Variants in ASAH1 observed in about 807,000 individuals in gnomAD.
ASAH1 encodes acid ceramidase.
In ASAH1, 70 loss-of-function variants were observed where a neutral mutation model predicts 59.5. The observed-to-expected ratio is 1.18, with a 90% CI of 0.97 to 1.43. The LOEUF (loss-of-function observed/expected upper bound fraction) is 1.43. Ranked by LOEUF, ASAH1 falls within the 40% of genes most tolerant of loss-of-function variation. The pLI is 0.00. For synonymous variants in ASAH1, 213 were observed against 166.5 expected (o/e 1.28, Z -2.15); for missense variants, 660 against 482.5 (o/e 1.37, Z -3.45).
chr8:18,058,057 T>C, intron 13 of ASAH1: 1 of 155,280 alleles, frequency 6.4e-6, no homozygotes, highest in South Asian at 2.0e-4. Context: ...ATCCCTATCC[T>C]TAAAGCATTT....
In ASAH1 at chr8:18,057,696, A is replaced by G. The variant is rs149055515; in HGVS notation, c.1099-73T>C. The G allele has an allele frequency of 2.4e-4, 249 of 1,024,092 alleles. 4 individuals carry two copies. The East Asian group carries it at 8.1e-3, about 33-fold the overall frequency. The allele number at this position is 1,024,092 out of a possible 1,614,324, so 63.4% of individuals were successfully genotyped here. A position where few individuals can be genotyped will look rare whatever the true frequency, so the allele number is the denominator to read the frequency against. On this transcript the variant is annotated intron_variant, in intron 13 of 13. Coordinates refer to ENST00000637790, the MANE Select transcript of ASAH1 (RefSeq NM_177924.5). Reference sequence around the variant, plus strand: ...TGTTCTGATATATATTAGCATTTCTATACTTGTAGAATTTGCTTTAGAAGT... The same window carrying G: ...TGTTCTGATATATATTAGCATTTCTGTACTTGTAGAATTTGCTTTAGAAGT...
chr8:18,081,824 CT>C (rs1487519792), intron 1 of ASAH1, among the ~76,000 whole-genome samples: 2 of 152,112 alleles, frequency 1.3e-5, no homozygotes, highest in African/African-American at 4.8e-5. Flanking sequence ...ACTGCTTATT[CT>C]TCTCAGAGAA....
chr8:18,059,415 G>C lies in ASAH1; in HGVS notation c.967C>G (p.Arg323Gly), dbSNP rs147830297. The part of the protein sequence containing the change: ...RWYVVQTNYD[R>G]WKHPFFLDDR... ...TCAAGGAAGAAGGGATGTTTCCAACGGTCATAATTTGTTTGTACCACATAC... is the reference window on the plus strand; with the variant it reads ...TCAAGGAAGAAGGGATGTTTCCAACCGTCATAATTTGTTTGTACCACATAC... The change falls in exon 12 of 14, where the codon CGT becomes GGT. Residue 323 changes from arginine (R) to glycine (G), a missense_variant. Physicochemically the swap from Arg to Gly is moderately radical, Grantham distance 125. Transcript: ENST00000637790. The C allele has an allele frequency of 3.7e-6, 6 of 1,614,018 alleles. No individual in the cohort carries two copies. The highest frequency in any genetic ancestry group is 5.1e-6 in the Non-Finnish European group (6 of 1,180,048).
chr8:18,064,280 T>G (rs1799834721), intron 6 of ASAH1, 177 bp downstream of exon 6: 1 of 637,280 alleles, frequency 1.6e-6, no homozygotes, highest in Non-Finnish European at 2.8e-6. Flanking sequence ...TACAGTAGTC[T>G]GAAAATAAGG....
chr8:18,084,642 T>C (rs746712410), upstream of ASAH1: 12 of 1,612,036 alleles, frequency 7.4e-6, no homozygotes, highest in South Asian at 1.2e-4. Flanking sequence ...GAGAATCGAA[T>C]CCACTCGGGT....
chr8:18,084,760 G>A (rs1207803748), upstream of ASAH1: 2 of 1,613,518 alleles, frequency 1.2e-6, no homozygotes. Context: ...AGGCCCGGTG[G>A]GACCCGCGAG....
intron 10 of ASAH1, 153 bp from the exon 11 acceptor site, chr8:18,059,856 G>A (rs111403730): frequency 5.2e-5 from 37 of 705,978 alleles, no homozygotes; most frequent in African/African-American, 4.8e-4. Flanking sequence ...GTGGTTTGCT[G>A]CACCCATCAA....
At chr8:18,082,733 T>C (rs1800707512) in intron 1 of ASAH1, 1 of 152,202 alleles carries the variant, frequency 6.6e-6, no homozygotes, top group Non-Finnish European at 1.5e-5. Context: ...GCTCATGGTG[T>C]GTGGTCTCCT....
Position 18,084,058 on chromosome 8 carries a change from TCG to T in ASAH1, c.-2_-1del, listed in dbSNP as rs753674513. 4 of 1,598,600 alleles carry T rather than the reference TCG, an allele frequency of 2.5e-6. No individual in the cohort carries two copies. Among genetic ancestry groups the T allele is most frequent in the Non-Finnish European group, 3.4e-6 (4 of 1,179,670 alleles). ...AAGGCGACGCAACTCCGGCCCGGCA[TCG>T]CTCTAGCAGCCAACGCCACTCCCCG... is the stretch of plus-strand genomic sequence containing the variant. On this transcript the variant is annotated 5_prime_UTR_variant, in exon 1 of 14. Coordinates refer to ENST00000637790, the MANE Select transcript of ASAH1 (RefSeq NM_177924.5).
chr8:18,071,704 A>AT (rs11463653), intron 2 of ASAH1, among the ~76,000 whole-genome samples: 60,232 of 150,356 alleles, frequency 0.4, 12,785 homozygotes, highest in Admixed American at 0.51. Context: ...AATACCTGCC[A>AT]TTTTTTTTTT....
intron 6 of ASAH1, chr8:18,063,806 GT>G (rs1166700059): frequency 1.3e-5 from 2 of 157,822 alleles, no homozygotes; most frequent in Non-Finnish European, 2.8e-5. Context: ...CAATGGTCAT[GT>G]TTTGGTTCAC....
At chr8:18,061,516 A>C in intron 9 of ASAH1, 58 bp from the exon 10 acceptor site, 2 of 1,495,612 alleles carry the variant, frequency 1.3e-6, no homozygotes, top group Non-Finnish European at 1.9e-6. Context: ...GTAACCAGTC[A>C]GGACCCGGAA....
intron 13 of ASAH1, 70 bp downstream of exon 13, chr8:18,058,763 AAC>A: frequency 7.5e-7 from 1 of 1,332,170 alleles, no homozygotes; most frequent in Non-Finnish European, 1.1e-6. Flanking sequence ...GATCAAAGAT[AAC>A]AGAGAAAGAT....
chr8:18,071,451 A>G, intron 2 of ASAH1, 61 bp from the exon 3 acceptor site: 3 of 1,088,892 alleles, frequency 2.8e-6, no homozygotes, highest in Non-Finnish European at 4.1e-6. Flanking sequence ...GGTCAGTTAG[A>G]TACATCTATA....
At chr8:18,061,761 C>T (rs200542672) in intron 8 of ASAH1, 21 bp from the exon 9 acceptor site, 7 of 1,559,934 alleles carry the variant, frequency 4.5e-6, no homozygotes, top group East Asian at 2.4e-5. Flanking sequence ...GACAAAGCAA[C>T]GAAGTCAGAA....
chr8:18,058,975 C>T (rs1799578872), intron 12 of ASAH1, 84 bp from the exon 13 acceptor site: 1 of 1,245,622 alleles, frequency 8.0e-7, no homozygotes, highest in Admixed American at 1.7e-5. Context: ...CACCAGAAAC[C>T]AAGACATTCT....
intron 2 of ASAH1, among the ~76,000 whole-genome samples, chr8:18,074,518 C>G (rs981275527): frequency 6.6e-6 from 1 of 152,166 alleles, no homozygotes; most frequent in Non-Finnish European, 1.5e-5. Context: ...CTTGATATCA[C>G]TAGATAGAGT....
Position 18,075,867 on chromosome 8 carries a change from A to G in ASAH1, c.79-280T>C, listed in dbSNP as rs1006757772. 5 of 464,906 alleles carry G rather than the reference A, an allele frequency of 1.1e-5. No individual in the cohort carries two copies. In the Admixed American group the frequency reaches 1.4e-4, roughly 13 times the overall value. The allele number at this position is 464,906 out of a possible 1,614,324, so 28.8% of individuals were successfully genotyped here. The stretch of plus-strand genomic sequence containing the variant: ...ATTGAGTAACGAACAAATGTAACAA[A>G]GTAGATGGAAAATATTTATGTTAGA... On this transcript the variant is annotated intron_variant, in intron 1 of 13. Coordinates refer to ENST00000637790, the MANE Select transcript of ASAH1 (RefSeq NM_177924.5).
chr8:18,059,226 G>C, intron 12 of ASAH1, 115 bp downstream of exon 12: 2 of 1,517,818 alleles, frequency 1.3e-6, no homozygotes, highest in Admixed American at 3.4e-5. Flanking sequence ...AGTGGCTAGA[G>C]ATACTATGAA....
Sources: gnomAD v4.1 joint callset for allele counts (sites outside exome capture counted in the v4.1 genomes callset) on GRCh38, gnomAD v4.1.1 for gene constraint, MANE v1.5 for transcripts, NCBI Gene and HGNC (gene_info 2026-07-23, HGNC 2026-07-21) for gene names.